Variants in USP12 observed in about 807,000 individuals in gnomAD.
USP12 encodes ubiquitin carboxyl-terminal hydrolase 12.
USP12 carries 19 observed loss-of-function variants against 45.5 expected under a neutral mutation model. That is an observed-to-expected ratio of 0.42 (90% CI 0.29 to 0.61). The LOEUF (loss-of-function observed/expected upper bound fraction) is 0.61. USP12 is among the 20% of genes least tolerant of loss of function. The pLI is 0.22. For synonymous variants in USP12, 149 were observed against 148.8 expected, an observed-to-expected ratio of 1.00 and a Z score of -0.01; for missense variants, 242 against 447.7, an observed-to-expected ratio of 0.54 and a Z score of 4.15.
chr13:27,139,070 C>T (rs1593203466), intron 1 of USP12, among the ~76,000 whole-genome samples: 1 of 152,326 alleles, frequency 6.6e-6, no homozygotes, highest in South Asian at 2.1e-4. Context: ...CACTTGCATC[C>T]ATTTCTAATA....
At chr13:27,074,851 T>C (rs1873404084) in intron 7 of USP12, among the ~76,000 whole-genome samples, 1 of 152,128 alleles carries the variant, frequency 6.6e-6, no homozygotes, top group Admixed American at 6.5e-5. Flanking sequence ...ATGCTGAACA[T>C]ACGCAATTAA....
chr13:27,076,932 C>CT (rs1225387539), intron 6 of USP12, among the ~76,000 whole-genome samples: 1 of 152,110 alleles, frequency 6.6e-6, no homozygotes, highest in African/African-American at 2.4e-5. Context: ...AATTAGGAGC[C>CT]TTTATGGCCT....
At chr13:27,127,426 G>A (rs576911652) in intron 1 of USP12, among the ~76,000 whole-genome samples, 27 of 152,340 alleles carry the variant, frequency 1.8e-4, no homozygotes, top group African/African-American at 6.3e-4. Context: ...AAGTCTGAGA[G>A]AAATGAAATA....
intron 1 of USP12, among the ~76,000 whole-genome samples, chr13:27,140,241 C>T (rs757054470): frequency 2.6e-5 from 4 of 152,064 alleles, no homozygotes; most frequent in Non-Finnish European, 5.9e-5. Flanking sequence ...CTGGAGGGAG[C>T]GAAACAGTGG....
At position 27,102,018 on chromosome 13, in the gene USP12, T is replaced by C. The variant is rs9512548; in HGVS notation, c.343+3713A>G. 2.9e-3 allele frequency among the ~76,000 whole-genome samples: 224 copies of C among 78,106 alleles called. 3 individuals carry two copies. The highest frequency in any genetic ancestry group is 0.025 in the South Asian group (27 of 1,068). 51.2% of individuals were successfully genotyped at this position (78,106 alleles called of 152,430 possible). A position where few individuals can be genotyped will look rare whatever the true frequency, so the allele number is the denominator to read the frequency against. On this transcript the variant is annotated intron_variant, in intron 3 of 8. Transcript: ENST00000282344. ...GATGTATTTCCCATTTTTTAATGAA[T>C]GAATGAATGAATGAATGAATGAATG...
intron 4 of USP12, among the ~76,000 whole-genome samples, chr13:27,094,912 C>T (rs1051060753): frequency 5.3e-5 from 8 of 152,108 alleles, no homozygotes; most frequent in African/African-American, 1.9e-4. Context: ...CTTTGAGAGG[C>T]CAAGGTGGAA....
chr13:27,171,365 C>T (rs1878598907), intron 1 of USP12, among the ~76,000 whole-genome samples: 1 of 148,134 alleles, frequency 6.8e-6, no homozygotes, highest in African/African-American at 2.4e-5. Flanking sequence ...TCGCGCCGCC[C>T]TGGCCCACCA....
rs370535699 is a variant in USP12 at position 27,074,316 on chromosome 13, C to T, written c.932+875G>A. On this transcript the variant is annotated intron_variant, in intron 7 of 8. Transcript: ENST00000282344. ...TCGGGAGGCAGAGGCAGGAGAATGG[C>T]GTGAACCCGGGAGGCGGAGCTTGCA... is the stretch of plus-strand genomic sequence containing the variant. Among the ~76,000 whole-genome samples, 31 of 152,036 alleles carry T rather than the reference C, an allele frequency of 2.0e-4. No individual in the cohort carries two copies. In the South Asian group the frequency reaches 6.0e-3, roughly 30 times the overall value.
At chr13:27,089,620 G>T in intron 6 of USP12, 1 of 310,284 alleles carries the variant, frequency 3.2e-6, no homozygotes, top group South Asian at 6.7e-5. Context: ...AAGCCTCAAA[G>T]CCAAATATTT....
intron 1 of USP12, among the ~76,000 whole-genome samples, chr13:27,139,812 C>T (rs1428288150): frequency 6.6e-6 from 1 of 152,112 alleles, no homozygotes; most frequent in African/African-American, 2.4e-5. Flanking sequence ...TCTTATATGG[C>T]TTATGTGTGC....
chr13:27,140,091 C>T (rs1876989099), intron 1 of USP12, among the ~76,000 whole-genome samples: 1 of 152,170 alleles, frequency 6.6e-6, no homozygotes, highest in South Asian at 2.1e-4. Flanking sequence ...ATTGACAAAG[C>T]TCATTTCAAG....
chr13:27,084,295 C>T lies in USP12; in HGVS notation c.734+5588G>A, dbSNP rs1873905721. Among the ~76,000 whole-genome samples the T allele has an allele frequency of 2.0e-5, 3 of 150,884 alleles. No homozygotes were observed. In the South Asian group the frequency reaches 6.3e-4, roughly 32 times the overall value. ...GGCCAAGGCAGGCAGATCACAAGGT[C>T]AAAAGATTGAGACCATCCTGGCCAA... is the stretch of plus-strand genomic sequence containing the variant. On this transcript the variant is annotated intron_variant, in intron 6 of 8. Coordinates refer to ENST00000282344, the MANE Select transcript of USP12 (RefSeq NM_182488.4).
intron 1 of USP12, 27 bp from the exon 2 acceptor site, chr13:27,116,623 G>C (rs372111533): frequency 2.8e-4 from 447 of 1,603,398 alleles, no homozygotes; most frequent in Non-Finnish European, 3.5e-4. Context: ...AAAAATCTTA[G>C]TATTTATAGT....
chr13:27,081,680 A>C (rs2137761123), intron 6 of USP12, among the ~76,000 whole-genome samples: 1 of 152,342 alleles, frequency 6.6e-6, no homozygotes, highest in South Asian at 2.1e-4. Context: ...AGGAATCTCA[A>C]TCTATGGCAG....
At chr13:27,100,497 G>C (rs1474093142) in intron 3 of USP12, among the ~76,000 whole-genome samples, 19 of 152,194 alleles carry the variant, frequency 1.2e-4, no homozygotes, top group East Asian at 3.9e-4. Context: ...TCCTCTCTCT[G>C]AGGTCATCTC....
intron 1 of USP12, among the ~76,000 whole-genome samples, chr13:27,148,503 G>A (rs1172717362): frequency 7.9e-5 from 12 of 150,972 alleles, no homozygotes; most frequent in African/African-American, 2.2e-4. Flanking sequence ...GCGAAACCCC[G>A]TCTCTACTAA....
chr13:27,092,291 C>T (rs925533861), intron 4 of USP12, among the ~76,000 whole-genome samples: 1 of 152,180 alleles, frequency 6.6e-6, no homozygotes, highest in Admixed American at 6.5e-5. Context: ...TCATTTTTTT[C>T]CCAACTTCAT....
rs182998344 is a variant in USP12 at position 27,154,809 on chromosome 13, T to C, written c.48+16783A>G. ...TCCCAGATTACCCAGGTGAGCCCTA[T>C]GTAATCACAAGGGTCTGGTAAGTGA... On this transcript the variant is annotated intron_variant, in intron 1 of 8. Coordinates refer to ENST00000282344, the MANE Select transcript of USP12 (RefSeq NM_182488.4). Among the ~76,000 whole-genome samples the C allele has an allele frequency of 3.9e-3, 599 of 152,136 alleles. 2 individuals carry two copies. The highest frequency in any genetic ancestry group is 0.014 in the African/African-American group (572 of 41,500).
At chr13:27,114,994 G>A (rs530202681) in intron 2 of USP12, among the ~76,000 whole-genome samples, 1 of 152,134 alleles carries the variant, frequency 6.6e-6, no homozygotes, top group Non-Finnish European at 1.5e-5. Context: ...TAGCTCTGCT[G>A]CATCTACTCT....
Sources: allele counts gnomAD v4.1 joint callset (sites outside exome capture counted in the v4.1 genomes callset), GRCh38; gene constraint gnomAD v4.1.1; transcripts MANE v1.5; gene names NCBI Gene and HGNC (gene_info 2026-07-23, HGNC 2026-07-21).